RANBP2: variants seen among roughly 807,000 people sequenced by gnomAD.
The protein encoded by RANBP2 is RAN binding protein 2.
Under a neutral mutation model 303.6 loss-of-function variants are expected in RANBP2, and 57 were observed. That is an observed-to-expected ratio of 0.19 (90% CI 0.15 to 0.23). RANBP2 has a LOEUF of 0.23. Among genes scored for constraint, RANBP2 ranks in the 10% least tolerant of loss-of-function variants. The pLI is 1.00. For synonymous variants in RANBP2, 1,167 were observed against 1,301.5 expected (o/e 0.90, Z 2.23); for missense variants, 3,138 against 3,780.8 (o/e 0.83, Z 4.46).
chr2:109,267,476 G>T, the RANBP2 span, among the ~76,000 whole-genome samples: 1 of 152,214 alleles, frequency 6.6e-6, no homozygotes, highest in African/African-American at 2.4e-5. Flanking sequence ...TAAAGACAGA[G>T]TCAGTGTTGC....
chr2:109,713,075 C>T, the RANBP2 span, among the ~76,000 whole-genome samples: 4 of 152,284 alleles, frequency 2.6e-5, no homozygotes. Context: ...TAAACTTCAG[C>T]AGCCTTCCTC....
the RANBP2 span, among the ~76,000 whole-genome samples, chr2:109,603,871 A>G: frequency 1.3e-5 from 2 of 152,154 alleles, no homozygotes; most frequent in African/African-American, 4.8e-5. Context: ...GTCTCTAATT[A>G]AAATTTTAAG....
chr2:109,104,707 TCTCCTGAC>T, the RANBP2 span, among the ~76,000 whole-genome samples: 1 of 152,186 alleles, frequency 6.6e-6, no homozygotes, highest in South Asian at 2.1e-4. Flanking sequence ...ATGGTCTTGA[TCTCCTGAC>T]CTCGTGATCC....
At chr2:109,218,654 G>T in the RANBP2 span, among the ~76,000 whole-genome samples, 2 of 152,178 alleles carry the variant, frequency 1.3e-5, no homozygotes, top group African/African-American at 4.8e-5. Flanking sequence ...ATAGGAGCAG[G>T]CCCTGCCGGC....
chr2:109,193,689 A>G, the RANBP2 span, among the ~76,000 whole-genome samples: 2 of 152,172 alleles, frequency 1.3e-5, no homozygotes, highest in African/African-American at 4.8e-5. Flanking sequence ...ACATTTAATG[A>G]TGGTCTAGAA....
chr2:109,432,293 C>T, the RANBP2 span, among the ~76,000 whole-genome samples: 2 of 152,198 alleles, frequency 1.3e-5, no homozygotes, highest in East Asian at 1.9e-4. Flanking sequence ...GCAGGCAGCT[C>T]CCCGAAGGCT....
At chr2:108,798,185 C>T in the RANBP2 span, among the ~76,000 whole-genome samples, 1 of 152,058 alleles carries the variant, frequency 6.6e-6, no homozygotes, top group African/African-American at 2.4e-5. Context: ...CCATTTTGGA[C>T]CCTAAATTCT....
At chr2:109,510,900 C>T in the RANBP2 span, among the ~76,000 whole-genome samples, 664 of 152,268 alleles carry the variant, frequency 4.4e-3, 2 homozygotes, top group Non-Finnish European at 7.4e-3. Context: ...TTCCAGGAGC[C>T]CCTGGCCTCC....
At chr2:109,463,373 G>GC in the RANBP2 span, among the ~76,000 whole-genome samples, 1 of 152,192 alleles carries the variant, frequency 6.6e-6, no homozygotes, top group Admixed American at 6.5e-5. Context: ...TGTGGGCCCT[G>GC]CCCCCCTTGC....
chr2:109,051,326 GTC>G, the RANBP2 span, among the ~76,000 whole-genome samples: 2 of 152,042 alleles, frequency 1.3e-5, no homozygotes, highest in Non-Finnish European at 2.9e-5. Flanking sequence ...TGGCTTTTTT[GTC>G]TGTGTTTCAC....
At chr2:109,460,488 T>G in the RANBP2 span, among the ~76,000 whole-genome samples, 1 of 152,094 alleles carries the variant, frequency 6.6e-6, no homozygotes, top group Non-Finnish European at 1.5e-5. Flanking sequence ...ATGCATCACC[T>G]CCATCCACAG....
the RANBP2 span, among the ~76,000 whole-genome samples, chr2:109,155,158 T>G: frequency 6.6e-6 from 1 of 152,202 alleles, no homozygotes; most frequent in South Asian, 2.1e-4. Context: ...TTCGGTGGTG[T>G]TCGGCATTTT....
At chr2:109,337,840 A>G in the RANBP2 span, among the ~76,000 whole-genome samples, 2 of 149,718 alleles carry the variant, frequency 1.3e-5, no homozygotes, top group Non-Finnish European at 3.0e-5. Flanking sequence ...TGATCCTCCC[A>G]CCTCAGCCTC....
the RANBP2 span, among the ~76,000 whole-genome samples, chr2:109,174,845 A>G: frequency 5.9e-5 from 9 of 152,338 alleles, no homozygotes; most frequent in East Asian, 1.7e-3. Flanking sequence ...GGATAGCAGG[A>G]GCACAGGCAG....
chr2:109,091,498 AGCCAGCTCTGC>A, the RANBP2 span, among the ~76,000 whole-genome samples: 2 of 152,222 alleles, frequency 1.3e-5, no homozygotes, highest in Non-Finnish European at 2.9e-5. Context: ...TCTTCTGTAC[AGCCAGCTCTGC>A]GTGCATTACT....
the RANBP2 span, among the ~76,000 whole-genome samples, chr2:109,590,009 C>CAT: frequency 4.8e-4 from 71 of 149,406 alleles, no homozygotes; most frequent in African/African-American, 1.4e-3. Context: ...TTCACATAAT[C>CAT]ATATATATAT....
rs574608134 is a variant in RANBP2, at chr2:108,745,565, C to CA, written c.976-1145dup. On this transcript the variant is annotated intron_variant, in intron 7 of 28. Coordinates refer to ENST00000283195, the MANE Select transcript of RANBP2 (RefSeq NM_006267.5). Reference sequence around the variant, plus strand: ...AATTTTAATATTTGAAGGCAGCTGTCACGTCTTCCCTTTGCCATTCTATTC... The same window carrying CA: ...AATTTTAATATTTGAAGGCAGCTGTCAACGTCTTCCCTTTGCCATTCTATTC... Among the ~76,000 whole-genome samples the CA allele has an allele frequency of 4.1e-3, 616 of 150,188 alleles. 3 individuals are homozygous for CA. Among genetic ancestry groups the CA allele is most frequent in the African/African-American group, 0.015 (598 of 40,392 alleles).
At chr2:108,733,607 A>G (rs1219649891) in intron 4 of RANBP2, among the ~76,000 whole-genome samples, 2 of 152,208 alleles carry the variant, frequency 1.3e-5, no homozygotes, top group African/African-American at 2.4e-5. Context: ...GATTTTAAAT[A>G]TTAATCTAAA....
chr2:108,901,886 T>C, the RANBP2 span, among the ~76,000 whole-genome samples: 1 of 151,920 alleles, frequency 6.6e-6, no homozygotes, highest in African/African-American at 2.4e-5. Context: ...GGTATATTGC[T>C]TGAGGTCAGG....
Sources: gnomAD v4.1 joint callset for allele counts (sites outside exome capture counted in the v4.1 genomes callset) on GRCh38, gnomAD v4.1.1 for gene constraint, MANE v1.5 for transcripts, NCBI Gene and HGNC (gene_info 2026-07-23, HGNC 2026-07-21) for gene names.